The following CACNA1G variants were observed in gnomAD, a reference collection of about 807,000 sequenced individuals.
CACNA1G encodes calcium voltage-gated channel subunit alpha1 G, also known as voltage-dependent T-type calcium channel subunit alpha-1G.
CACNA1G carries 67 observed loss-of-function variants against 219.4 expected under a neutral mutation model. That is an observed-to-expected ratio of 0.31 (90% CI 0.25 to 0.37). The LOEUF is 0.37. Among genes scored for constraint, CACNA1G ranks in the 10% least tolerant of loss-of-function variants. The pLI is 1.00. For synonymous variants in CACNA1G, 1,296 were observed against 1,345.3 expected, an observed-to-expected ratio of 0.96 and a Z score of 0.80; for missense variants, 2,380 against 3,231.4, an observed-to-expected ratio of 0.74 and a Z score of 6.39.
intron 26 of CACNA1G, among the ~76,000 whole-genome samples, chr17:50,612,005 G>A (rs2049315354): frequency 1.3e-5 from 2 of 152,206 alleles, no homozygotes; most frequent in South Asian, 2.1e-4. Flanking sequence ...CAGAGACCCC[G>A]AACAAGGGCT....
chr17:50,604,354 ATGGCTCAAGCTGCTGTTGC>A, intron 22 of CACNA1G, 73 bp downstream of exon 22: 1 of 1,557,884 alleles, frequency 6.4e-7, no homozygotes, highest in African/African-American at 1.4e-5. Context: ...CCTGGGTCCT[ATGGCTCAAGCTGCTGTTGC>A]TGCCTTCATT....
At position 50,590,559 on chromosome 17, in the gene CACNA1G, A is replaced by C. The variant is rs750348253; in HGVS notation, c.2390A>C (p.Tyr797Ser). Residue 797 changes from tyrosine (Y) to serine (S), a missense_variant, in exon 10 of 38, where the codon TAT becomes TCT. Tyr to Ser is a moderately radical substitution (Grantham distance 144). Transcript: ENST00000359106. The stretch of plus-strand genomic sequence containing the variant: ...GAGATGCTGCTGAAGCTGCTTGTGT[A>C]TGGTCCCTTTGGCTACATCAAGAAT... ...ALEMLLKLLV[Y>S]GPFGYIKNPY... 6.2e-7 allele frequency: 1 copy of C among 1,613,932 alleles called. No homozygotes were observed.
At chr17:50,574,384 G>T (rs1286817840) in intron 7 of CACNA1G, among the ~76,000 whole-genome samples, 3 of 152,236 alleles carry the variant, frequency 2.0e-5, no homozygotes, top group Non-Finnish European at 4.4e-5. Context: ...GAGACAGAGG[G>T]TAGGCCCTGA....
rs762386216 is a variant in CACNA1G at position 50,561,459 on chromosome 17, G to A, written c.-1G>A. 1.3e-6 allele frequency: 2 copies of A among 1,534,274 alleles called. No homozygotes were observed. The highest frequency in any genetic ancestry group is 2.4e-5 in the South Asian group (2 of 83,982). On this transcript the variant is annotated 5_prime_UTR_variant, in exon 1 of 38. Transcript: ENST00000359106. ...CGCCCGGGGCCCCGGCTGGCCAGAG[G>A]ATGGACGAGGAGGAGGATGGAGCGG...
rs566381629 is a variant in CACNA1G at position 50,600,135 on chromosome 17, C to G, written c.3690+276C>G. 1.7e-4 allele frequency among the ~76,000 whole-genome samples: 26 copies of G among 152,288 alleles called. No homozygotes were observed. The highest frequency in any genetic ancestry group is 5.8e-4 in the African/African-American group (24 of 41,558). ...TGTATGAATCTTTCATGGCCCTCCC[C>G]CTGTGACTCAGAAAGACCCATCACT... On this transcript the variant is annotated intron_variant, in intron 17 of 37. Coordinates refer to ENST00000359106, the MANE Select transcript of CACNA1G (RefSeq NM_018896.5). This position sits in a 1 kb window ranked among gnomAD's most constrained non-coding sequence, Gnocchi z 4.1.
rs755628107 is a variant in CACNA1G at position 50,572,035 on chromosome 17, C to T, written c.744C>T (p.Ser248=). Residue 248 remains serine (S), a splice_region_variant and synonymous_variant, in exon 5 of 38, where the codon AGC becomes AGT. Transcript: ENST00000359106. ...GATGCTTCCTACCTGAGAATTTCAGCCTGTGAGTGGTGGACAGGGTCCAGG... is the reference window on the plus strand; with the variant it reads ...GATGCTTCCTACCTGAGAATTTCAGTCTGTGAGTGGTGGACAGGGTCCAGG... ...RNRCFLPENF[S]LPLSVDLERY... is the part of the protein sequence containing the mutation. The T allele has an allele frequency of 1.9e-6, 3 of 1,613,368 alleles. No individual in the cohort carries two copies. The highest frequency in any genetic ancestry group is 1.1e-5 in the South Asian group (1 of 91,024).
chr17:50,603,961 T>C lies in CACNA1G; in HGVS notation c.4170-194T>C, dbSNP rs2047373115. ...GAGGTGGAGATGTGGGGCATGGGGA[T>C]CTCTGCCACTTGTTTTGAGAGATTA... On this transcript the variant is annotated intron_variant, in intron 21 of 37. Coordinates refer to ENST00000359106, the MANE Select transcript of CACNA1G (RefSeq NM_018896.5). The surrounding 1 kb of genome is among the most constrained non-coding windows in gnomAD (Gnocchi z 6.4). Among the ~76,000 whole-genome samples, 1 of 152,116 alleles carries C rather than the reference T, an allele frequency of 6.6e-6. No individual in the cohort carries two copies. Among genetic ancestry groups the C allele is most frequent in the African/African-American group, 2.4e-5 (1 of 41,392 alleles).
In CACNA1G at chr17:50,621,899, T is replaced by G; in HGVS notation, c.6060+105T>G. The stretch of plus-strand genomic sequence containing the variant: ...GGTCCTGGGGCCGCCTCCTCTCAGT[T>G]TGCTGCCAGGCTCCACCCAGAGGCA... On this transcript the variant is annotated intron_variant, in intron 35 of 37. Coordinates refer to ENST00000359106, the MANE Select transcript of CACNA1G (RefSeq NM_018896.5). The surrounding 1 kb of genome is among the most constrained non-coding windows in gnomAD (Gnocchi z 4.6). The G allele has an allele frequency of 1.6e-6, 2 of 1,276,034 alleles. No homozygotes were observed. The highest frequency in any genetic ancestry group is 1.1e-6 in the Non-Finnish European group (1 of 908,832). The allele number at this position is 1,276,034 out of a possible 1,614,324, so 79.0% of individuals were successfully genotyped here.
intron 9 of CACNA1G, among the ~76,000 whole-genome samples, chr17:50,589,735 G>T (rs867449496): frequency 3.3e-5 from 5 of 152,170 alleles, no homozygotes; most frequent in Non-Finnish European, 7.4e-5. Flanking sequence ...CTTGCTGAAG[G>T]TCACAGAGTG....
rs760137541 is a variant in CACNA1G at position 50,618,777 on chromosome 17, G to A, written c.5550G>A (p.Leu1850=). The change falls in exon 33 of 38, where the codon CTG becomes CTA. Residue 1850 remains leucine, a synonymous_variant. Transcript: ENST00000359106. This position sits in a 1 kb window ranked among gnomAD's most constrained non-coding sequence, Gnocchi z 5.3. ...TAGTCAACGTGGTGATCGCCGTGCT[G>A]ATGAAGCACCTGGAGGAGAGCAACA... ...FVLVNVVIAV[L]MKHLEESNKE... 1.2e-6 allele frequency: 2 copies of A among 1,614,018 alleles called. No homozygotes were observed. The highest frequency in any genetic ancestry group is 1.7e-6 in the Non-Finnish European group (2 of 1,179,898).
In CACNA1G at chr17:50,626,135, C is replaced by G; in HGVS notation, c.6518C>G (p.Ser2173Ter). The G allele has an allele frequency of 6.2e-7, 1 of 1,613,780 alleles. No individual in the cohort carries two copies. The highest frequency in any genetic ancestry group is 8.5e-7 in the Non-Finnish European group (1 of 1,179,846). ...CGGGCCTACTCTTTCTGGGGCCAGT[C>G]AAGTACCCAGGCACAGCAGCACTCC... is the stretch of plus-strand genomic sequence containing the variant. ...LARAYSFWGQ[S>*]STQAQQHSRS... Residue 2173 changes from serine (S) to a stop codon, truncating the protein, a stop_gained, in exon 38 of 38, where the codon TCA becomes TGA. Coordinates refer to ENST00000359106, the MANE Select transcript of CACNA1G (RefSeq NM_018896.5). LOFTEE classifies it high-confidence loss of function. This position sits in a 1 kb window ranked among gnomAD's most constrained non-coding sequence, Gnocchi z 4.3.
chr17:50,584,621 G>A (rs2145233588), intron 9 of CACNA1G, among the ~76,000 whole-genome samples: 1 of 151,860 alleles, frequency 6.6e-6, no homozygotes, highest in Non-Finnish European at 1.5e-5. Context: ...GGGTGACAGG[G>A]GGGCGGCGGG....
intron 3 of CACNA1G, 51 bp from the exon 4 acceptor site, chr17:50,569,655 C>A: frequency 1.5e-6 from 2 of 1,315,590 alleles, no homozygotes; most frequent in South Asian, 1.3e-5. Context: ...CTCTTTTGAC[C>A]CCACTGTGGC....
chr17:50,613,297 A>G (rs935470074), intron 26 of CACNA1G, among the ~76,000 whole-genome samples: 2 of 151,988 alleles, frequency 1.3e-5, no homozygotes, highest in African/African-American at 4.8e-5. Context: ...CTAATGGGGG[A>G]TTTCTGGCAG....
intron 19 of CACNA1G, among the ~76,000 whole-genome samples, chr17:50,602,518 G>A (rs531365482): frequency 2.6e-5 from 4 of 152,336 alleles, no homozygotes; most frequent in South Asian, 2.1e-4. Flanking sequence ...GGCTTAGGAC[G>A]TGGGACGCAG....
In CACNA1G at chr17:50,615,425, C is replaced by T; in HGVS notation, c.4824C>T (p.Cys1608=). ...TCCGGCTCCTCGTCCACCACTTGTG[C>T]ACCAGCCACTACCTGGACCTCTTCA... is the stretch of plus-strand genomic sequence containing the variant. The part of the protein sequence containing the change: ...SRFRLLVHHL[C]TSHYLDLFIT... Residue 1608 remains cysteine (C), a synonymous_variant, in exon 27 of 38, where the codon TGC becomes TGT. Coordinates refer to ENST00000359106, the MANE Select transcript of CACNA1G (RefSeq NM_018896.5). 6.2e-7 allele frequency: 1 copy of T among 1,613,344 alleles called. No individual in the cohort carries two copies. Among genetic ancestry groups the T allele is most frequent in the Non-Finnish European group, 8.5e-7 (1 of 1,179,428 alleles).
rs536443718 is a variant in CACNA1G at position 50,561,237 on chromosome 17, A to T, written c.-223A>T. The T allele has an allele frequency of 1.1e-4, 59 of 546,662 alleles. No individual in the cohort carries two copies. The African/African-American group carries it at 1.2e-3, about 11-fold the overall frequency. 33.9% of individuals were successfully genotyped at this position (546,662 alleles called of 1,614,324 possible). A position where few individuals can be genotyped will look rare whatever the true frequency, so the allele number is the denominator to read the frequency against. ...GCCCCAGGGGCGCAGGGGAAGCGGG[A>T]CTCGCGCCGGGCGGGGTTTCCCTGC... On this transcript the variant is annotated 5_prime_UTR_variant, in exon 1 of 38. Transcript: ENST00000359106.
chr17:50,599,906 G>A, intron 17 of CACNA1G, 47 bp downstream of exon 17: 1 of 1,561,226 alleles, frequency 6.4e-7, no homozygotes, highest in Non-Finnish European at 8.7e-7. Context: ...GACCTTGAAA[G>A]AGGGGAGGTG....
Position 50,626,129 on chromosome 17 carries a change from G to T in CACNA1G, c.6512G>T (p.Gly2171Val). 6.2e-7 allele frequency: 1 copy of T among 1,613,792 alleles called. No homozygotes were observed. The highest frequency in any genetic ancestry group is 1.6e-4 in the Middle Eastern group (1 of 6,062). ...PPLARAYSFW[G>V]QSSTQAQQHS... Reference sequence around the variant, plus strand: ...CTGGCCCGGGCCTACTCTTTCTGGGGCCAGTCAAGTACCCAGGCACAGCAG... The same window carrying T: ...CTGGCCCGGGCCTACTCTTTCTGGGTCCAGTCAAGTACCCAGGCACAGCAG... The change falls in exon 38 of 38, where the codon GGC becomes GTC. Residue 2171 changes from glycine (G) to valine (V), a missense_variant. By Grantham distance (109) the Gly-to-Val change is moderately radical. Around this residue, in one of 17 missense-constraint regions of CACNA1G, gnomAD observed 672 missense variants for 670.5 expected, o/e 1.00. Transcript: ENST00000359106. The surrounding 1 kb of genome is among the most constrained non-coding windows in gnomAD (Gnocchi z 4.3).
Sources: gnomAD v4.1 joint callset for allele counts (sites outside exome capture counted in the v4.1 genomes callset) on GRCh38, gnomAD v4.1.1 for gene constraint, gnomAD v4.1.1 regional missense constraint, Gnocchi (gnomAD v3.1) non-coding constraint, MANE v1.5 for transcripts, NCBI Gene and HGNC (gene_info 2026-07-23, HGNC 2026-07-21) for gene names.